The following NBEA variants were observed in gnomAD, a reference collection of about 807,000 sequenced individuals.
NBEA encodes the protein lysosomal-trafficking regulator 2.
A neutral mutation model predicts 343.4 loss-of-function variants in NBEA; 44 were observed. The observed-to-expected ratio is 0.13, with a 90% CI of 0.10 to 0.16. The LOEUF is 0.16. Ranked by LOEUF, NBEA falls within the 10% of genes least tolerant of loss-of-function variation. NBEA has a pLI of 1.00. For missense variants in NBEA, 2,555 were observed against 3,631.3 expected, an observed-to-expected ratio of 0.70 and a Z score of 7.62; for synonymous variants, 1,175 against 1,238.7, an observed-to-expected ratio of 0.95 and a Z score of 1.08.
intron 33 of NBEA, among the ~76,000 whole-genome samples, chr13:35,214,715 G>A (rs1308591510): frequency 1.3e-5 from 2 of 151,624 alleles, no homozygotes; most frequent in East Asian, 3.9e-4. Context: ...GTCTCAAATA[G>A]TTTCGTCTTT....
chr13:35,375,444 T>G (rs759126154), intron 38 of NBEA, among the ~76,000 whole-genome samples: 1 of 152,130 alleles, frequency 6.6e-6, no homozygotes, highest in Non-Finnish European at 1.5e-5. Context: ...GGGGGAAATC[T>G]TAGAAAATCT....
intron 36 of NBEA, among the ~76,000 whole-genome samples, chr13:35,309,808 T>C (rs1032680137): frequency 6.6e-6 from 1 of 152,146 alleles, no homozygotes; most frequent in Non-Finnish European, 1.5e-5. Context: ...GGACAAACCT[T>C]ATAAGGTTTG....
At chr13:35,144,952 C>T (rs2068324617) in intron 18 of NBEA, among the ~76,000 whole-genome samples, 1 of 152,182 alleles carries the variant, frequency 6.6e-6, no homozygotes, top group African/African-American at 2.4e-5. Context: ...AACCATGTCA[C>T]AGTTGGTAGG....
intron 45 of NBEA, among the ~76,000 whole-genome samples, chr13:35,573,470 A>G (rs1255089914): frequency 1.3e-5 from 2 of 152,208 alleles, no homozygotes; most frequent in Non-Finnish European, 2.9e-5. Flanking sequence ...AACCAGAAAC[A>G]GTGAAGTGTT....
At chr13:35,431,390 T>C (rs986989446) in intron 38 of NBEA, among the ~76,000 whole-genome samples, 33 of 152,274 alleles carry the variant, frequency 2.2e-4, no homozygotes, top group African/African-American at 7.9e-4. Flanking sequence ...ATTGACGTCT[T>C]AAGCAGTGGT....
chr13:34,953,650 G>A (rs1429864198), intron 1 of NBEA, among the ~76,000 whole-genome samples: 1 of 152,136 alleles, frequency 6.6e-6, no homozygotes. Flanking sequence ...GTATCCATGG[G>A]TTCCATATCC....
intron 36 of NBEA, among the ~76,000 whole-genome samples, chr13:35,331,774 A>G (rs1373552598): frequency 1.3e-5 from 2 of 151,976 alleles, no homozygotes; most frequent in South Asian, 2.1e-4. Context: ...CTGTTATTAA[A>G]CAGAAAAGAA....
chr13:35,282,093 T>C (rs1594066449), intron 34 of NBEA, among the ~76,000 whole-genome samples: 1 of 151,260 alleles, frequency 6.6e-6, no homozygotes, highest in East Asian at 1.9e-4. Context: ...TTTTTTTTTG[T>C]ATTTTTAGTA....
intron 41 of NBEA, among the ~76,000 whole-genome samples, chr13:35,480,006 ATTGCATTTAC>A (rs1288048839): frequency 1.3e-5 from 2 of 148,452 alleles, no homozygotes; most frequent in Admixed American, 6.9e-5. Flanking sequence ...TGACTTTTAC[ATTGCATTTAC>A]TTAGTTTATG....
intron 44 of NBEA, among the ~76,000 whole-genome samples, chr13:35,556,229 T>C (rs1337846728): frequency 6.6e-6 from 1 of 152,018 alleles, no homozygotes; most frequent in Non-Finnish European, 1.5e-5. Context: ...AATTAGCACA[T>C]TATTTATAAA....
intron 40 of NBEA, among the ~76,000 whole-genome samples, chr13:35,462,117 T>C (rs544830582): frequency 1.3e-5 from 2 of 152,304 alleles, no homozygotes; most frequent in East Asian, 3.9e-4. Flanking sequence ...GAAACTTCAC[T>C]CGGGTGAATG....
chr13:35,381,886 C>T (rs2042029636), intron 38 of NBEA, among the ~76,000 whole-genome samples: 1 of 152,066 alleles, frequency 6.6e-6, no homozygotes, highest in South Asian at 2.1e-4. Context: ...GCTTTATACT[C>T]ATAAAAATAA....
At chr13:35,365,752 A>T (rs1057019649) in intron 38 of NBEA, among the ~76,000 whole-genome samples, 1 of 151,756 alleles carries the variant, frequency 6.6e-6, no homozygotes, top group Non-Finnish European at 1.5e-5. Flanking sequence ...AATATATGTT[A>T]AAAAGGTTTA....
At chr13:35,405,974 A>C (rs2043247078) in intron 38 of NBEA, among the ~76,000 whole-genome samples, 1 of 152,162 alleles carries the variant, frequency 6.6e-6, no homozygotes, top group Non-Finnish European at 1.5e-5. Flanking sequence ...CAGAAAAGAA[A>C]AAGAGTGTAT....
chr13:35,425,932 G>C, intron 38 of NBEA, among the ~76,000 whole-genome samples: 1 of 152,070 alleles, frequency 6.6e-6, no homozygotes, highest in South Asian at 2.1e-4. Context: ...GATCTTTGTT[G>C]GTTTAAAGTC....
At chr13:35,432,941 T>C (rs1401223278) in intron 39 of NBEA, among the ~76,000 whole-genome samples, 2 of 152,062 alleles carry the variant, frequency 1.3e-5, no homozygotes, top group Non-Finnish European at 1.5e-5. Context: ...TATTTTGTTT[T>C]AATCCCACCT....
chr13:35,526,564 G>T (rs112958858), intron 41 of NBEA, among the ~76,000 whole-genome samples: 3,042 of 152,276 alleles, frequency 0.02, 101 homozygotes, highest in African/African-American at 0.067. Context: ...CTTGAACCCA[G>T]TGTCCTTGGA....
At chr13:35,067,570 G>A (rs1418633252) in intron 8 of NBEA, among the ~76,000 whole-genome samples, 1 of 151,946 alleles carries the variant, frequency 6.6e-6, no homozygotes, top group Admixed American at 6.6e-5. Flanking sequence ...TATCACCCCA[G>A]AAGGATCCTA....
intron 48 of NBEA, among the ~76,000 whole-genome samples, chr13:35,611,548 A>C (rs529836583): frequency 3.4e-4 from 51 of 152,210 alleles, no homozygotes; most frequent in Non-Finnish European, 5.3e-4. Context: ...GTCTAATCTT[A>C]GAATATTTTC....
Sources: allele counts gnomAD v4.1 joint callset (sites outside exome capture counted in the v4.1 genomes callset), GRCh38; gene constraint gnomAD v4.1.1; transcripts MANE v1.5; gene names NCBI Gene and HGNC (gene_info 2026-07-23, HGNC 2026-07-21).